PAPPA2: variants seen among roughly 807,000 people sequenced by gnomAD.
The protein encoded by PAPPA2 is pappalysin 2.
Under a neutral mutation model 176.4 loss-of-function variants are expected in PAPPA2, and 86 were observed. The ratio of observed to expected loss-of-function variants is 0.49; its 90% CI spans 0.41 to 0.58. The LOEUF (loss-of-function observed/expected upper bound fraction) is 0.58, where lower values mean the gene tolerates loss of function less well. Among genes scored for constraint, PAPPA2 ranks in the 20% least tolerant of loss-of-function variants. The probability of loss-of-function intolerance (pLI) is 0.00; values close to 1 mark genes in which losing one functional copy is unlikely to be tolerated. For missense variants in PAPPA2, 2,073 were observed against 2,256.9 expected (o/e 0.92, Z 1.65); for synonymous variants, 809 against 852.2 (o/e 0.95, Z 0.88).
intron 4 of PAPPA2, among the ~76,000 whole-genome samples, chr1:176,688,273 A>G (rs1659942685): frequency 6.6e-6 from 1 of 152,178 alleles, no homozygotes; most frequent in Non-Finnish European, 1.5e-5. Context: ...AAAGAACAGA[A>G]AGCTGTTCTC....
intron 1 of PAPPA2, among the ~76,000 whole-genome samples, chr1:176,470,940 T>C (rs2102464586): frequency 6.6e-6 from 1 of 152,164 alleles, no homozygotes; most frequent in South Asian, 2.1e-4. Flanking sequence ...AAGTCCCCAG[T>C]GGCTTCTCGG....
At chr1:176,579,980 A>G (rs1254528500) in intron 2 of PAPPA2, among the ~76,000 whole-genome samples, 3 of 152,194 alleles carry the variant, frequency 2.0e-5, no homozygotes, top group African/African-American at 7.2e-5. Context: ...CATTTCCTTC[A>G]TCTGAAACAT....
At chr1:176,791,818 A>G (rs1665190782) in intron 19 of PAPPA2, among the ~76,000 whole-genome samples, 1 of 152,172 alleles carries the variant, frequency 6.6e-6, no homozygotes, top group Admixed American at 6.5e-5. Flanking sequence ...CTGGGATTAC[A>G]GGCATGAGCC....
At chr1:176,524,065 T>A (rs1649343668) in intron 1 of PAPPA2, among the ~76,000 whole-genome samples, 2 of 152,254 alleles carry the variant, frequency 1.3e-5, no homozygotes, top group Non-Finnish European at 2.9e-5. Context: ...GGCCATTTCC[T>A]TGAAGAATTT....
At chr1:176,770,906 T>C in intron 16 of PAPPA2, 61 bp from the exon 17 acceptor site, 2 of 1,499,704 alleles carry the variant, frequency 1.3e-6, no homozygotes, top group Non-Finnish European at 1.9e-6. Context: ...TTTCATCTGC[T>C]ATGATTATCT....
intron 17 of PAPPA2, among the ~76,000 whole-genome samples, chr1:176,773,640 C>T (rs1664328842): frequency 6.6e-6 from 1 of 152,090 alleles, no homozygotes; most frequent in Non-Finnish European, 1.5e-5. Context: ...TATTTCTATC[C>T]AACAATGTTG....
At chr1:176,701,922 G>A (rs1660666286) in intron 8 of PAPPA2, among the ~76,000 whole-genome samples, 1 of 152,070 alleles carries the variant, frequency 6.6e-6, no homozygotes, top group South Asian at 2.1e-4. Context: ...CACAATCAGT[G>A]CACCCAGGAT....
chr1:176,688,053 A>G (rs1659931934), intron 4 of PAPPA2, among the ~76,000 whole-genome samples: 1 of 152,192 alleles, frequency 6.6e-6, no homozygotes, highest in South Asian at 2.1e-4. Flanking sequence ...ACAATTTGGG[A>G]AAAAAACTAA....
intron 3 of PAPPA2, among the ~76,000 whole-genome samples, chr1:176,620,066 A>G (rs1167891693): frequency 6.6e-6 from 1 of 152,218 alleles, no homozygotes; most frequent in African/African-American, 2.4e-5. Flanking sequence ...TCCAAGACCA[A>G]GGCACTAGCA....
At chr1:176,531,498 G>C (rs1034796090) in intron 1 of PAPPA2, among the ~76,000 whole-genome samples, 5 of 152,222 alleles carry the variant, frequency 3.3e-5, no homozygotes, top group Non-Finnish European at 7.3e-5. Flanking sequence ...GGATAGCACT[G>C]ATGACTTTCT....
At chr1:176,838,274 A>T (rs1176460427) in intron 21 of PAPPA2, among the ~76,000 whole-genome samples, 22 of 152,210 alleles carry the variant, frequency 1.4e-4, no homozygotes, top group Admixed American at 1.4e-3. Flanking sequence ...TCAAATATTT[A>T]GATTGTTCTT....
intron 1 of PAPPA2, among the ~76,000 whole-genome samples, chr1:176,469,696 T>G (rs1651786221): frequency 6.6e-6 from 1 of 152,116 alleles, no homozygotes; most frequent in African/African-American, 2.4e-5. Flanking sequence ...CTGGATTGTT[T>G]TATAGCAAGA....
intron 21 of PAPPA2, among the ~76,000 whole-genome samples, chr1:176,805,410 T>C (rs1216785677): frequency 6.6e-6 from 1 of 152,158 alleles, no homozygotes; most frequent in African/African-American, 2.4e-5. Flanking sequence ...CAACTCTTTG[T>C]TGATAGAGTT....
At chr1:176,722,277 A>G (rs1349449757) in intron 12 of PAPPA2, among the ~76,000 whole-genome samples, 1 of 151,892 alleles carries the variant, frequency 6.6e-6, no homozygotes, top group Non-Finnish European at 1.5e-5. Flanking sequence ...TGAATATCAA[A>G]CACAATAAAT....
Position 176,557,179 on chromosome 1 carries a change from C to T in PAPPA2, c.857C>T (p.Ala286Val), listed in dbSNP as rs1213081972. 6.2e-7 allele frequency: 1 copy of T among 1,613,046 alleles called. No homozygotes were observed. Among genetic ancestry groups the T allele is most frequent in the Non-Finnish European group, 8.5e-7 (1 of 1,179,616 alleles). Residue 286 changes from alanine to valine, a missense_variant, in exon 2 of 23, where the codon GCG (alanine) becomes GTG (valine). Ala to Val is a moderately conservative substitution (Grantham distance 64). Around this residue, in one of 4 missense-constraint regions of PAPPA2, gnomAD observed 1,196 missense variants for 1,330.4 expected, o/e 0.90. Transcript: ENST00000367662. ...PEVLAEIPRE[A>V]FTVEAWVKPE... The stretch of plus-strand genomic sequence containing the variant: ...GTGCTGGCTGAGATTCCCCGGGAGG[C>T]GTTCACAGTGGAAGCCTGGGTTAAA...
At chr1:176,681,302 C>A (rs1367761779) in intron 4 of PAPPA2, among the ~76,000 whole-genome samples, 1 of 152,102 alleles carries the variant, frequency 6.6e-6, no homozygotes, top group Non-Finnish European at 1.5e-5. Flanking sequence ...ATGTCTGTAC[C>A]ACCACAGAGC....
intron 9 of PAPPA2, 53 bp from the exon 10 acceptor site, chr1:176,706,306 A>G (rs748727173): frequency 1.0e-4 from 151 of 1,503,128 alleles, no homozygotes; most frequent in Non-Finnish European, 1.3e-4. Context: ...TGGTAGCTAA[A>G]CAAGAAAATT....
intron 1 of PAPPA2, among the ~76,000 whole-genome samples, chr1:176,532,402 C>T (rs1169904047): frequency 1.3e-5 from 2 of 152,166 alleles, no homozygotes; most frequent in East Asian, 1.9e-4. Context: ...GTCAAATCTG[C>T]GTCCAGGTAA....
chr1:176,712,487 G>A (rs1661190883), intron 12 of PAPPA2, among the ~76,000 whole-genome samples: 1 of 152,078 alleles, frequency 6.6e-6, no homozygotes, highest in Non-Finnish European at 1.5e-5. Context: ...TTATATTTGT[G>A]GGATTCATTC....
Sources: gnomAD v4.1 joint callset for allele counts (sites outside exome capture counted in the v4.1 genomes callset) on GRCh38, gnomAD v4.1.1 for gene constraint, gnomAD v4.1.1 regional missense constraint, MANE v1.5 for transcripts, NCBI Gene and HGNC (gene_info 2026-07-23, HGNC 2026-07-21) for gene names.